The following EFNA5 variants were observed in gnomAD, a reference collection of about 807,000 sequenced individuals.
The protein encoded by EFNA5 is ephrin-A5.
EFNA5 carries 5 observed loss-of-function variants against 22.9 expected under a neutral mutation model. The observed-to-expected ratio is 0.22, with a 90% CI of 0.11 to 0.46. EFNA5 has a LOEUF of 0.46. Ranked by LOEUF, EFNA5 falls within the 20% of genes least tolerant of loss-of-function variation. EFNA5 has a pLI of 0.99. For synonymous variants in EFNA5, 113 were observed against 112.2 expected (o/e 1.01, Z -0.04); for missense variants, 237 against 293.3 (o/e 0.81, Z 1.40).
chr5:107,566,216 A>T (rs984046781), intron 1 of EFNA5, among the ~76,000 whole-genome samples: 10 of 152,016 alleles, frequency 6.6e-5, no homozygotes, highest in Admixed American at 2.6e-4. Flanking sequence ...GCCTTCATAA[A>T]CTCACTATTT....
At chr5:107,575,827 A>G (rs1376616023) in intron 1 of EFNA5, among the ~76,000 whole-genome samples, 1 of 152,204 alleles carries the variant, frequency 6.6e-6, no homozygotes, top group Non-Finnish European at 1.5e-5. Context: ...AACATGACCT[A>G]TTTCTAGCAG....
intron 1 of EFNA5, among the ~76,000 whole-genome samples, chr5:107,650,769 T>C (rs981512380): frequency 2.6e-5 from 4 of 152,196 alleles, no homozygotes; most frequent in African/African-American, 9.7e-5. Flanking sequence ...AAAATAGCTC[T>C]ATACCTTTGC....
At chr5:107,540,045 G>A (rs1234777926) in intron 1 of EFNA5, among the ~76,000 whole-genome samples, 2 of 151,772 alleles carry the variant, frequency 1.3e-5, no homozygotes, top group African/African-American at 4.8e-5. Flanking sequence ...TGGACTATTT[G>A]TTCTAAAGGA....
chr5:107,446,735 C>CA (rs1580456777), intron 1 of EFNA5, among the ~76,000 whole-genome samples: 3 of 150,656 alleles, frequency 2.0e-5, no homozygotes, highest in East Asian at 2.0e-4. Flanking sequence ...GCCTGGGTGA[C>CA]AAAAAACTTT....
chr5:107,485,858 T>C (rs1487487238), intron 1 of EFNA5, among the ~76,000 whole-genome samples: 1 of 152,184 alleles, frequency 6.6e-6, no homozygotes, highest in Non-Finnish European at 1.5e-5. Flanking sequence ...CAATGTTCGT[T>C]TTTTTTAAGC....
At chr5:107,653,974 G>A (rs888800349) in intron 1 of EFNA5, among the ~76,000 whole-genome samples, 5 of 152,096 alleles carry the variant, frequency 3.3e-5, no homozygotes, top group Non-Finnish European at 5.9e-5. Context: ...CAGGTCTTAT[G>A]TATACTATTA....
At chr5:107,540,459 GCTAA>G (rs1728582616) in intron 1 of EFNA5, among the ~76,000 whole-genome samples, 1 of 152,130 alleles carries the variant, frequency 6.6e-6, no homozygotes, top group South Asian at 2.1e-4. Context: ...CTGATTATCT[GCTAA>G]CTTTCTGCCC....
chr5:107,657,307 G>A (rs1235433699), intron 1 of EFNA5, among the ~76,000 whole-genome samples: 1 of 151,966 alleles, frequency 6.6e-6, no homozygotes, highest in African/African-American at 2.4e-5. Flanking sequence ...GAAGCATATA[G>A]CATAGTTCTT....
At chr5:107,508,023 A>C (rs1165495657) in intron 1 of EFNA5, among the ~76,000 whole-genome samples, 1 of 152,144 alleles carries the variant, frequency 6.6e-6, no homozygotes, top group African/African-American at 2.4e-5. Flanking sequence ...TTGAAAGACT[A>C]ATTTTCAGGG....
At chr5:107,633,834 G>A (rs1396714768) in intron 1 of EFNA5, among the ~76,000 whole-genome samples, 1 of 152,112 alleles carries the variant, frequency 6.6e-6, no homozygotes, top group Non-Finnish European at 1.5e-5. Flanking sequence ...AACTAGCTAA[G>A]AATCACAGGC....
chr5:107,397,901 G>C lies in EFNA5; in HGVS notation c.419-10130C>G, dbSNP rs546170790. ...AGCCAATCTCAGGGACTAAATTCTA[G>C]TTTACTCTGATTGTCTCTGAGACGG... On this transcript the variant is annotated intron_variant, in intron 2 of 4. Transcript: ENST00000333274. Among the ~76,000 whole-genome samples the C allele has an allele frequency of 3.9e-5, 6 of 152,200 alleles. No individual in the cohort carries two copies. The South Asian group carries it at 1.2e-3, about 31-fold the overall frequency.
intron 1 of EFNA5, among the ~76,000 whole-genome samples, chr5:107,486,746 T>C (rs888747285): frequency 3.3e-5 from 5 of 152,120 alleles, no homozygotes; most frequent in African/African-American, 7.2e-5. Context: ...ACACAGATAA[T>C]AGTTACCTGC....
intron 1 of EFNA5, among the ~76,000 whole-genome samples, chr5:107,644,989 C>T (rs966557405): frequency 1.3e-5 from 2 of 152,186 alleles, no homozygotes; most frequent in African/African-American, 4.8e-5. Flanking sequence ...GCGTGAGCCA[C>T]CACGCCTGGC....
chr5:107,387,808 A>C (rs1747671384), intron 2 of EFNA5, 37 bp from the exon 3 acceptor site: 2 of 1,419,768 alleles, frequency 1.4e-6, no homozygotes, highest in Admixed American at 3.7e-5. Context: ...GAAAGAAAGA[A>C]GAGAACAACA....
intron 1 of EFNA5, among the ~76,000 whole-genome samples, chr5:107,451,414 T>A (rs1749556903): frequency 6.6e-6 from 1 of 152,070 alleles, no homozygotes. Flanking sequence ...AATAAAAAAT[T>A]TTTTCCTAAG....
intron 1 of EFNA5, among the ~76,000 whole-genome samples, chr5:107,509,633 A>G (rs934448448): frequency 6.6e-6 from 1 of 151,950 alleles, no homozygotes; most frequent in Non-Finnish European, 1.5e-5. Context: ...ACCCGGCCTG[A>G]GTGTCAACTC....
chr5:107,610,784 C>T (rs1749808587), intron 1 of EFNA5, among the ~76,000 whole-genome samples: 1 of 152,124 alleles, frequency 6.6e-6, no homozygotes. Context: ...CTCGCCTTCT[C>T]CCTGGCACTT....
At chr5:107,501,450 TA>T (rs1477910539) in intron 1 of EFNA5, among the ~76,000 whole-genome samples, 1 of 151,312 alleles carries the variant, frequency 6.6e-6, no homozygotes, top group Non-Finnish European at 1.5e-5. Flanking sequence ...GACATAAAAG[TA>T]CAGATATTAT....
intron 1 of EFNA5, among the ~76,000 whole-genome samples, chr5:107,441,793 G>C (rs152600): frequency 2.0e-5 from 3 of 152,124 alleles, no homozygotes; most frequent in South Asian, 2.1e-4. Flanking sequence ...TATGGAAACA[G>C]GAAATACTGC....
Sources: allele counts gnomAD v4.1 joint callset (sites outside exome capture counted in the v4.1 genomes callset), GRCh38; gene constraint gnomAD v4.1.1; transcripts MANE v1.5; gene names NCBI Gene and HGNC (gene_info 2026-07-23, HGNC 2026-07-21).